The following ABCD2 variants were observed in gnomAD, a reference collection of about 807,000 sequenced individuals.
ABCD2 encodes the protein ATP-binding cassette sub-family D member 2.
Under a neutral mutation model 70.9 loss-of-function variants are expected in ABCD2, and 36 were observed. The observed-to-expected ratio is 0.51, with a 90% confidence interval of 0.39 to 0.67. The LOEUF is 0.67. ABCD2 is among the 30% of genes least tolerant of loss of function. The pLI is 0.00. For synonymous variants in ABCD2, 304 were observed against 306.9 expected, an observed-to-expected ratio of 0.99 and a Z score of 0.10; for missense variants, 729 against 890.2, an observed-to-expected ratio of 0.82 and a Z score of 2.30.
At chr12:39,554,543 T>C (rs753112492) in intron 9 of ABCD2, among the ~76,000 whole-genome samples, 5 of 152,092 alleles carry the variant, frequency 3.3e-5, no homozygotes, top group Non-Finnish European at 5.9e-5. Context: ...CAATAGCAAC[T>C]CATTAATACA....
At chr12:39,595,913 T>C (rs1460686184) in intron 6 of ABCD2, among the ~76,000 whole-genome samples, 1 of 152,034 alleles carries the variant, frequency 6.6e-6, no homozygotes, top group Non-Finnish European at 1.5e-5. Context: ...AACATCCAAA[T>C]TACTAAAAAA....
intron 9 of ABCD2, among the ~76,000 whole-genome samples, chr12:39,562,505 T>A (rs1315988502): frequency 6.6e-6 from 1 of 151,914 alleles, no homozygotes; most frequent in Non-Finnish European, 1.5e-5. Context: ...AAAAGAGAAA[T>A]TATAATTAAT....
intron 9 of ABCD2, among the ~76,000 whole-genome samples, chr12:39,560,255 G>A (rs901303587): frequency 6.6e-6 from 1 of 152,144 alleles, no homozygotes; most frequent in Non-Finnish European, 1.5e-5. Flanking sequence ...GTGAGAACAT[G>A]TGGTGTTTGG....
At chr12:39,618,164 G>T (rs1942142493) in intron 1 of ABCD2, among the ~76,000 whole-genome samples, 1 of 151,972 alleles carries the variant, frequency 6.6e-6, no homozygotes, top group African/African-American at 2.4e-5. Context: ...TGGGAATGGG[G>T]ATGCTCCATA....
At chr12:39,536,478 C>T in the ABCD2 span, among the ~76,000 whole-genome samples, 79 of 152,268 alleles carry the variant, frequency 5.2e-4, no homozygotes, top group South Asian at 2.5e-3. Flanking sequence ...GTTCATAAAC[C>T]GGTTCTTATA....
At chr12:39,564,974 G>C (rs1313848471) in intron 9 of ABCD2, among the ~76,000 whole-genome samples, 1 of 152,186 alleles carries the variant, frequency 6.6e-6, no homozygotes, top group African/African-American at 2.4e-5. Context: ...GCTCTGTTCT[G>C]TTCCATTGGC....
intron 6 of ABCD2, among the ~76,000 whole-genome samples, chr12:39,588,607 C>T (rs1031623815): frequency 2.0e-5 from 3 of 152,066 alleles, no homozygotes; most frequent in Admixed American, 1.3e-4. Flanking sequence ...TTCAGGAATG[C>T]GAGAAAATAA....
At chr12:39,607,538 C>A in intron 3 of ABCD2, 61 bp downstream of exon 3, 1 of 1,350,224 alleles carries the variant, frequency 7.4e-7, no homozygotes. Flanking sequence ...TGGTAATTGA[C>A]ATTTTGCTTG....
intron 7 of ABCD2, among the ~76,000 whole-genome samples, chr12:39,582,448 C>G (rs978940992): frequency 6.6e-6 from 1 of 152,184 alleles, no homozygotes; most frequent in African/African-American, 2.4e-5. Flanking sequence ...ATAACAATTA[C>G]GATTACATTT....
At chr12:39,570,536 A>G (rs932207066) in intron 9 of ABCD2, among the ~76,000 whole-genome samples, 31 of 152,234 alleles carry the variant, frequency 2.0e-4, no homozygotes, top group African/African-American at 5.8e-4. Context: ...CACAGGTAGA[A>G]GAATGAAATT....
chr12:39,547,987 C>T (rs1048067831), downstream of ABCD2, among the ~76,000 whole-genome samples: 2 of 151,914 alleles, frequency 1.3e-5, no homozygotes, highest in African/African-American at 2.4e-5. Context: ...GTTTGACCTA[C>T]GATTTTTCAA....
chr12:39,564,449 A>G (rs1323609256), intron 9 of ABCD2, among the ~76,000 whole-genome samples: 3 of 152,022 alleles, frequency 2.0e-5, no homozygotes, highest in African/African-American at 4.8e-5. Context: ...GTCTGTTCAT[A>G]TCCTTTGCCC....
the ABCD2 span, among the ~76,000 whole-genome samples, chr12:39,535,732 A>T: frequency 2.6e-5 from 4 of 152,340 alleles, no homozygotes; most frequent in South Asian, 6.2e-4. Flanking sequence ...ATATACACAA[A>T]CTATGCCAAG....
At chr12:39,544,043 G>T in the ABCD2 span, among the ~76,000 whole-genome samples, 1 of 152,200 alleles carries the variant, frequency 6.6e-6, no homozygotes, top group Non-Finnish European at 1.5e-5. Flanking sequence ...AATTCATGCA[G>T]AGCCAGCTGT....
chr12:39,575,070 T>C (rs1941497363), intron 8 of ABCD2, among the ~76,000 whole-genome samples: 1 of 152,156 alleles, frequency 6.6e-6, no homozygotes, highest in Non-Finnish European at 1.5e-5. Flanking sequence ...AGAGTTATTT[T>C]CTGTTTTGTG....
At chr12:39,604,078 C>T in intron 4 of ABCD2, 72 bp from the exon 5 acceptor site, 3 of 981,656 alleles carry the variant, frequency 3.1e-6, no homozygotes, top group Non-Finnish European at 3.1e-6. Context: ...AATTATTATG[C>T]AGTATAACAG....
At chr12:39,557,849 C>G (rs1259181961) in intron 9 of ABCD2, among the ~76,000 whole-genome samples, 1 of 152,178 alleles carries the variant, frequency 6.6e-6, no homozygotes, top group African/African-American at 2.4e-5. Flanking sequence ...TATGGAAACA[C>G]CTGGATGTCC....
At chr12:39,595,928 A>G (rs1941809506) in intron 6 of ABCD2, among the ~76,000 whole-genome samples, 2 of 152,086 alleles carry the variant, frequency 1.3e-5, no homozygotes, top group South Asian at 2.1e-4. Flanking sequence ...AAAAAACCTT[A>G]AAAAATTAAA....
At chr12:39,536,175 C>T in the ABCD2 span, among the ~76,000 whole-genome samples, 3 of 152,216 alleles carry the variant, frequency 2.0e-5, no homozygotes, top group African/African-American at 7.2e-5. Flanking sequence ...TATATTTGTT[C>T]ATCTACTTTT....
Sources: gnomAD v4.1 joint callset for allele counts (sites outside exome capture counted in the v4.1 genomes callset) on GRCh38, gnomAD v4.1.1 for gene constraint, MANE v1.5 for transcripts, NCBI Gene and HGNC (gene_info 2026-07-23, HGNC 2026-07-21) for gene names.